XKR6: variants seen among roughly 807,000 people sequenced by gnomAD.
The protein encoded by XKR6 is XK related 6.
In XKR6, 22 loss-of-function variants were observed where a neutral mutation model predicts 56.7. That is an observed-to-expected ratio of 0.39 (90% CI 0.28 to 0.55). XKR6 has a LOEUF of 0.55. XKR6 is among the 20% of genes least tolerant of loss of function. XKR6 has a pLI of 0.66. For missense variants in XKR6, 852 were observed against 889.0 expected (o/e 0.96, Z 0.53); for synonymous variants, 524 against 387.8 (o/e 1.35, Z -4.13).
At chr8:11,125,869 T>C (rs896042205) in intron 1 of XKR6, 3 of 152,184 alleles carry the variant, frequency 2.0e-5, no homozygotes, top group African/African-American at 7.2e-5. Flanking sequence ...ACAAAACCGA[T>C]GCTCTCCCGT....
intron 1 of XKR6, chr8:11,124,128 T>C (rs1799630166): frequency 2.5e-6 from 1 of 397,950 alleles, no homozygotes; most frequent in South Asian, 1.8e-5. Context: ...TCTTCCCTAC[T>C]AGAATGATTC....
chr8:11,093,344 C>G (rs926157521), intron 1 of XKR6, among the ~76,000 whole-genome samples: 2 of 152,198 alleles, frequency 1.3e-5, no homozygotes, highest in African/African-American at 4.8e-5. Context: ...AGTGAGCCAC[C>G]ACGCCCAGAT....
At chr8:11,173,350 A>AT (rs1554478587) in intron 1 of XKR6, among the ~76,000 whole-genome samples, 5,629 of 142,730 alleles carry the variant, frequency 0.039, 348 homozygotes, top group African/African-American at 0.13. Context: ...CCTTAAAAAA[A>AT]ATATATATAT....
intron 1 of XKR6, among the ~76,000 whole-genome samples, chr8:11,022,042 GC>G (rs1252580843): frequency 2.6e-5 from 4 of 151,258 alleles, no homozygotes; most frequent in Non-Finnish European, 5.9e-5. Flanking sequence ...AAAGGCACTG[GC>G]CTGAAGGAGT....
chr8:11,197,444 C>G (rs1378251482), intron 1 of XKR6, among the ~76,000 whole-genome samples: 1 of 152,134 alleles, frequency 6.6e-6, no homozygotes, highest in African/African-American at 2.4e-5. Context: ...AAAGCCAAAC[C>G]CTCCAAGAAA....
chr8:11,146,539 G>T (rs1400823237), intron 1 of XKR6, among the ~76,000 whole-genome samples: 4 of 151,798 alleles, frequency 2.6e-5, no homozygotes, highest in Non-Finnish European at 4.4e-5. Context: ...TGAGTTGGGG[G>T]GATCACCTGA....
chr8:11,123,045 C>G (rs938086765), intron 1 of XKR6, among the ~76,000 whole-genome samples: 5 of 151,844 alleles, frequency 3.3e-5, no homozygotes, highest in Non-Finnish European at 5.9e-5. Context: ...CAGACCAGCC[C>G]GGCCAACATG....
intron 1 of XKR6, among the ~76,000 whole-genome samples, chr8:11,159,971 G>A (rs947459200): frequency 2.0e-5 from 3 of 152,114 alleles, no homozygotes; most frequent in Admixed American, 6.5e-5. Flanking sequence ...GAATCAAGCC[G>A]ATAAAATAAC....
At chr8:11,170,519 G>A (rs1007146941) in intron 1 of XKR6, among the ~76,000 whole-genome samples, 14 of 152,172 alleles carry the variant, frequency 9.2e-5, no homozygotes, top group Non-Finnish European at 2.1e-4. Context: ...ACAGACTACA[G>A]GTTAGCAGTT....
chr8:11,099,058 C>A (rs1474835683), intron 1 of XKR6, among the ~76,000 whole-genome samples: 4 of 152,182 alleles, frequency 2.6e-5, no homozygotes, highest in African/African-American at 9.7e-5. Flanking sequence ...CAACGCCCCA[C>A]CAGGTAGGCA....
chr8:11,088,756 G>A (rs1037635807), intron 1 of XKR6, among the ~76,000 whole-genome samples: 1 of 152,322 alleles, frequency 6.6e-6, no homozygotes, highest in East Asian at 1.9e-4. Flanking sequence ...TATTTAATGA[G>A]CTCCTGTAAG....
At chr8:11,157,514 G>GTATA (rs1416201576) in intron 1 of XKR6, among the ~76,000 whole-genome samples, 1 of 151,996 alleles carries the variant, frequency 6.6e-6, no homozygotes, top group South Asian at 2.1e-4. Flanking sequence ...ATGTATGTAT[G>GTATA]TATGTATGTA....
chr8:11,053,647 G>A (rs1480169955), intron 1 of XKR6, among the ~76,000 whole-genome samples: 1 of 152,216 alleles, frequency 6.6e-6, no homozygotes, highest in African/African-American at 2.4e-5. Flanking sequence ...TCAACGGCTT[G>A]TTCTCTCTGG....
chr8:10,947,589 C>G (rs775939041), intron 1 of XKR6, among the ~76,000 whole-genome samples: 14 of 152,126 alleles, frequency 9.2e-5, no homozygotes, highest in Non-Finnish European at 2.1e-4. Flanking sequence ...TTATCCACAC[C>G]CAAAGAAGGA....
chr8:11,169,410 A>G (rs1383007184), intron 1 of XKR6, among the ~76,000 whole-genome samples: 1 of 152,178 alleles, frequency 6.6e-6, no homozygotes, highest in East Asian at 1.9e-4. Flanking sequence ...ATCAACAAAC[A>G]AAATGTAGTA....
At chr8:10,987,960 C>T (rs1406526364) in intron 1 of XKR6, among the ~76,000 whole-genome samples, 1 of 152,196 alleles carries the variant, frequency 6.6e-6, no homozygotes, top group African/African-American at 2.4e-5. Context: ...TGAGAGTACC[C>T]AGGGGTTAAT....
rs1314889184 is a variant in XKR6 at position 11,201,476 on chromosome 8, G to A, written c.-137C>T. On this transcript the variant is annotated 5_prime_UTR_variant, in exon 1 of 3. Transcript: ENST00000416569. ...AGGAAGCGGGGGAGCAAACGAACGAGGGGGGAGTGGGCCAGGGAACCCCCT... is the reference window on the plus strand; with the variant it reads ...AGGAAGCGGGGGAGCAAACGAACGAAGGGGGAGTGGGCCAGGGAACCCCCT... 4 of 570,044 alleles carry A rather than the reference G, an allele frequency of 7.0e-6. No individual in the cohort carries two copies. Among genetic ancestry groups the A allele is most frequent in the South Asian group, 2.1e-5 (1 of 48,190 alleles). The allele number at this position is 570,044 out of a possible 1,614,324, so 35.3% of individuals were successfully genotyped here. A position where few individuals can be genotyped will look rare whatever the true frequency, so the allele number is the denominator to read the frequency against.
chr8:11,014,591 A>G (rs1798576209), intron 1 of XKR6, among the ~76,000 whole-genome samples: 1 of 152,134 alleles, frequency 6.6e-6, no homozygotes. Context: ...GTTTAGTCTC[A>G]GCTCAAAGTC....
At chr8:10,925,945 C>T (rs1800869039) in intron 1 of XKR6, among the ~76,000 whole-genome samples, 1 of 152,086 alleles carries the variant, frequency 6.6e-6, no homozygotes, top group Admixed American at 6.5e-5. Flanking sequence ...GAAGCAAGGG[C>T]CACAGTGCAC....
Sources: gnomAD v4.1 joint callset for allele counts (sites outside exome capture counted in the v4.1 genomes callset) on GRCh38, gnomAD v4.1.1 for gene constraint, MANE v1.5 for transcripts, NCBI Gene and HGNC (gene_info 2026-07-23, HGNC 2026-07-21) for gene names.